CHRD: variants seen among roughly 807,000 people sequenced by gnomAD.
The protein encoded by CHRD is chordin.
Under a neutral mutation model 113.7 loss-of-function variants are expected in CHRD, and 69 were observed. The observed-to-expected ratio is 0.61, with a 90% confidence interval of 0.50 to 0.74. The LOEUF (loss-of-function observed/expected upper bound fraction) is 0.74. Among genes scored for constraint, CHRD ranks in the 30% least tolerant of loss-of-function variants. The probability of loss-of-function intolerance (pLI) is 0.00; values close to 1 mark genes in which losing one functional copy is unlikely to be tolerated. For synonymous variants in CHRD, 561 were observed against 540.8 expected, an observed-to-expected ratio of 1.04 and a Z score of -0.52; for missense variants, 1,194 against 1,295.8, an observed-to-expected ratio of 0.92 and a Z score of 1.21.
chr3:184,382,351 G>C (rs1402160008), intron 6 of CHRD, 38 bp from the exon 7 acceptor site: 1 of 1,613,954 alleles, frequency 6.2e-7, no homozygotes, highest in East Asian at 2.2e-5. Flanking sequence ...AGCCTGCACA[G>C]TGTCTGAGCG....
intron 8 of CHRD, 27 bp downstream of exon 8, chr3:184,382,801 G>A (rs1715659051): frequency 6.2e-7 from 1 of 1,613,358 alleles, no homozygotes; most frequent in African/African-American, 1.3e-5. Context: ...CAAAACACGT[G>A]AGAAGGTTAG....
chr3:184,381,123 C>G lies in CHRD; in HGVS notation c.253-112C>G, dbSNP rs770361082. On this transcript the variant is annotated intron_variant, in intron 2 of 22. Transcript: ENST00000204604. This position sits in a 1 kb window ranked among gnomAD's most constrained non-coding sequence, Gnocchi z 4.7. ...AGATGAAGTAGCTTGTCTAGGGTCA[C>G]GCAGCTTGTAAGTGGCAGAGCTGGC... The G allele has an allele frequency of 8.0e-7, 1 of 1,245,762 alleles. No individual in the cohort carries two copies. The highest frequency in any genetic ancestry group is 1.2e-6 in the Non-Finnish European group (1 of 853,264). The allele number at this position is 1,245,762 out of a possible 1,614,324, so 77.2% of individuals were successfully genotyped here.
At chr3:184,389,049 T>G in intron 22 of CHRD, 54 bp downstream of exon 22, 1 of 1,251,566 alleles carries the variant, frequency 8.0e-7, no homozygotes, top group Non-Finnish European at 1.2e-6. Context: ...CACCTGCCTG[T>G]GGGACTCCTG....
At chr3:184,386,567 G>A in exon 16 of CHRD, 2 of 1,559,576 alleles carry the variant, frequency 1.3e-6, no homozygotes, top group Non-Finnish European at 1.7e-6. Context: ...GCGGGCGCTG[G>A]GGGCTCCGGA....
rs758972693 is a variant in CHRD at position 184,387,403 on chromosome 3, C to T, written c.2377C>T (p.Arg793Trp). The stretch of plus-strand genomic sequence containing the variant: ...CTATTTTGATGGTGACCGGAGCTGG[C>T]GGGCAGCGGGTACGCGGTGGCACCC... The change falls in exon 19 of 23, where the codon CGG (arginine) becomes TGG (tryptophan). Residue 793 changes from arginine (R) to tryptophan (W), a missense_variant. Coordinates refer to ENST00000204604, the Ensembl canonical transcript of CHRD. This position sits in a 1 kb window ranked among gnomAD's most constrained non-coding sequence, Gnocchi z 6.1. The T allele has an allele frequency of 8.1e-6, 13 of 1,612,386 alleles. No individual in the cohort carries two copies. Among genetic ancestry groups the T allele is most frequent in the Non-Finnish European group, 4.2e-6 (5 of 1,179,418 alleles).
At chr3:184,382,125 G>T in intron 6 of CHRD, 105 bp downstream of exon 6, 4 of 1,459,010 alleles carry the variant, frequency 2.7e-6, no homozygotes, top group Non-Finnish European at 3.8e-6. Flanking sequence ...TGGGAGGAAG[G>T]CACTGACATT....
rs199539915 is a variant in CHRD at position 184,381,918 on chromosome 3, A to T, written c.612-15A>T. ...TTTTGGCTCAGTCCGGCCTCACCCGACCTCTCATTCCCAGGCTGGACCGCC... is the reference window on the plus strand; with the variant it reads ...TTTTGGCTCAGTCCGGCCTCACCCGTCCTCTCATTCCCAGGCTGGACCGCC... On this transcript the variant is annotated splice_polypyrimidine_tract_variant and intron_variant, in intron 5 of 22. Transcript: ENST00000204604. The surrounding 1 kb of genome is among the most constrained non-coding windows in gnomAD (Gnocchi z 4.7). 266 of 1,613,896 alleles carry T rather than the reference A, an allele frequency of 1.6e-4. 1 individual carries two copies. The East Asian group carries it at 4.9e-3, about 30-fold the overall frequency.
chr3:184,385,960 C>A, intron 14 of CHRD, 86 bp from the exon 15 acceptor site: 1 of 1,361,070 alleles, frequency 7.3e-7, no homozygotes. Context: ...ACCTCCCTGG[C>A]TCTCAGTTTC....
At chr3:184,382,835 C>T (rs1560301544) in intron 8 of CHRD, 21 bp from the exon 9 acceptor site, 1 of 1,612,206 alleles carries the variant, frequency 6.2e-7, no homozygotes. Flanking sequence ...CTCAGAAAGG[C>T]CCACATGTGC....
rs1236068924 is a variant in CHRD, at chr3:184,380,384, G to A, written c.66G>A (p.Arg22=). ...TCGGGCTGCTGCTGCTCGGCTCCCGGCCGGCCCGCGGCGCCGGCCCAGAGC... is the reference window on the plus strand; with the variant it reads ...TCGGGCTGCTGCTGCTCGGCTCCCGACCGGCCCGCGGCGCCGGCCCAGAGC... The change falls in exon 1 of 23, where the codon CGG becomes CGA. Residue 22 remains arginine, a synonymous_variant. Transcript: ENST00000204604. This position sits in a 1 kb window ranked among gnomAD's most constrained non-coding sequence, Gnocchi z 6.3. The A allele has an allele frequency of 5.2e-6, 7 of 1,341,738 alleles. No individual in the cohort carries two copies. Among genetic ancestry groups the A allele is most frequent in the East Asian group, 3.6e-5 (1 of 27,816 alleles). The allele number at this position is 1,341,738 out of a possible 1,614,324, so 83.1% of individuals were successfully genotyped here.
rs527560199 is a variant in CHRD at position 184,388,771 on chromosome 3, T to G, written c.2709+30T>G. On this transcript the variant is annotated intron_variant, in intron 21 of 22. Coordinates refer to ENST00000204604, the Ensembl canonical transcript of CHRD. This position sits in a 1 kb window ranked among gnomAD's most constrained non-coding sequence, Gnocchi z 6.1. ...GTGGGGAGCAGAGGCTTGTGTGAGG[T>G]GGGTACTGGGAGCCTGGTCTGGAGT... 1.2e-6 allele frequency: 2 copies of G among 1,612,102 alleles called. No individual in the cohort carries two copies. The highest frequency in any genetic ancestry group is 2.7e-5 in the African/African-American group (2 of 74,984).
At chr3:184,386,716 G>A (rs763065776) in exon 16 of CHRD, 57 of 1,612,236 alleles carry the variant, frequency 3.5e-5, no homozygotes, top group East Asian at 1.6e-4. Flanking sequence ...CTCGCTGGGC[G>A]CCCAACTACG....
chr3:184,382,417 G>A lies in CHRD; in HGVS notation c.728G>A (p.Arg243Gln), dbSNP rs147593063. 1.1e-4 allele frequency: 185 copies of A among 1,614,046 alleles called. No individual in the cohort carries two copies. Among genetic ancestry groups the A allele is most frequent in the South Asian group, 3.4e-4 (31 of 91,082 alleles). Reference sequence around the variant, plus strand: ...TGTGGGGTGTGGCGGGCAGTGCCTCGGTTGTCTCTGCGGCTCCTTAGGGCA... The same window carrying A: ...TGTGGGGTGTGGCGGGCAGTGCCTCAGTTGTCTCTGCGGCTCCTTAGGGCA... Residue 243 changes from arginine to glutamine, a missense_variant, in exon 7 of 23, where the codon CGG becomes CAG. By Grantham distance (43) the Arg-to-Gln change is conservative (BLOSUM62 1). Coordinates refer to ENST00000204604, the Ensembl canonical transcript of CHRD.
At chr3:184,386,657 C>G in exon 16 of CHRD, 1 of 1,611,476 alleles carries the variant, frequency 6.2e-7, no homozygotes, top group Non-Finnish European at 8.5e-7. Flanking sequence ...TGGGCGGCCC[C>G]GAGACCCCAA....
chr3:184,388,607 C>A lies in CHRD; in HGVS notation c.2575C>A (p.Gln859Lys). Residue 859 changes from glutamine to lysine, a missense_variant, in exon 21 of 23, where the codon CAG (glutamine) becomes AAG (lysine). Coordinates refer to ENST00000204604, the Ensembl canonical transcript of CHRD. This position sits in a 1 kb window ranked among gnomAD's most constrained non-coding sequence, Gnocchi z 6.1. Reference sequence around the variant, plus strand: ...AACAGTGGGGTCGGGGGCCCACCCCCAGCTGGGGGACCCCATGCAGGCTGA... The same window carrying A: ...AACAGTGGGGTCGGGGGCCCACCCCAAGCTGGGGGACCCCATGCAGGCTGA... The A allele has an allele frequency of 6.2e-7, 1 of 1,611,984 alleles. No homozygotes were observed. The highest frequency in any genetic ancestry group is 8.5e-7 in the Non-Finnish European group (1 of 1,179,960).
chr3:184,383,254 C>A (rs1403055941), intron 10 of CHRD, 58 bp from the exon 11 acceptor site: 6 of 1,592,268 alleles, frequency 3.8e-6, no homozygotes, highest in Non-Finnish European at 5.1e-6. Context: ...ATCCTGTGGA[C>A]TGGGGGTGTA....
chr3:184,389,278 G>A lies in CHRD; in HGVS notation c.2813-89G>A. 7.2e-6 allele frequency: 9 copies of A among 1,257,716 alleles called. No individual in the cohort carries two copies. The South Asian group carries it at 1.0e-4, about 14-fold the overall frequency. 77.9% of individuals were successfully genotyped at this position (1,257,716 alleles called of 1,614,324 possible). On this transcript the variant is annotated intron_variant, in intron 22 of 22. Coordinates refer to ENST00000204604, the Ensembl canonical transcript of CHRD. ...AAATACTGGCCTTTCTGGGACCAAGGCAGGGATGCTTTGCCCTGCCCTCTA... is the reference window on the plus strand; with the variant it reads ...AAATACTGGCCTTTCTGGGACCAAGACAGGGATGCTTTGCCCTGCCCTCTA...
rs779299629 is a variant in CHRD, at chr3:184,381,389, G to A, written c.382+25G>A. On this transcript the variant is annotated intron_variant, in intron 3 of 22. Transcript: ENST00000204604. The surrounding 1 kb of genome is among the most constrained non-coding windows in gnomAD (Gnocchi z 4.7). ...GGTAAGTCTTGCTCCGCCCTGCGGG[G>A]AGGGAGGCAGGGCCACGATACTAGG... 1 of 1,590,974 alleles carries A rather than the reference G, an allele frequency of 6.3e-7. No individual in the cohort carries two copies.
exon 23 of CHRD, chr3:184,389,503 T>C: frequency 7.6e-7 from 1 of 1,313,334 alleles, no homozygotes; most frequent in Non-Finnish European, 1.1e-6. Context: ...TCTTGCATTC[T>C]CCTGTGGGAA....
Sources: gnomAD v4.1 joint callset for allele counts on GRCh38, gnomAD v4.1.1 for gene constraint, Gnocchi (gnomAD v3.1) non-coding constraint, MANE v1.5 for transcripts, NCBI Gene and HGNC (gene_info 2026-07-23, HGNC 2026-07-21) for gene names.